OR5T2: variants seen among roughly 807,000 people sequenced by gnomAD.
OR5T2 encodes the protein olfactory receptor 5T2.
OR5T2 carries 12 observed loss-of-function variants against 13.7 expected under a neutral mutation model. That is an observed-to-expected ratio of 0.88 (90% CI 0.56 to 1.42). The LOEUF (loss-of-function observed/expected upper bound fraction) is 1.42. Among genes scored for constraint, OR5T2 ranks in the 40% most tolerant of loss-of-function variants. OR5T2 has a pLI of 0.00. For missense variants in OR5T2, 475 were observed against 372.0 expected, an observed-to-expected ratio of 1.28 and a Z score of -2.28; for synonymous variants, 146 against 139.5, an observed-to-expected ratio of 1.05 and a Z score of -0.33.
chr11:56,233,024 C>T lies in OR5T2; in HGVS notation c.39G>A (p.Lys13=), dbSNP rs1320020717. 2 of 1,606,836 alleles carry T rather than the reference C, an allele frequency of 1.2e-6. No homozygotes were observed. ...GCAGTTCAAGATTGTCTGTGAAGCC[C>T]TTCAGTACAAATAAGGTAACTTCAG... is the stretch of plus-strand genomic sequence containing the variant. ...NVTEVTLFVL[K]GFTDNLELQT... Residue 13 remains lysine, a synonymous_variant, in exon 2 of 2, where the codon AAG becomes AAA. Transcript: ENST00000641661.
At position 56,232,535 on chromosome 11, in the gene OR5T2, A is replaced by G. The variant is rs1853301825; in HGVS notation, c.528T>C (p.Phe176=). The G allele has an allele frequency of 6.2e-7, 1 of 1,612,986 alleles. No individual in the cohort carries two copies. The highest frequency in any genetic ancestry group is 8.5e-7 in the Non-Finnish European group (1 of 1,179,484). ...FCGANEIRRV[F]CDIPPLLAIS... is the part of the protein sequence containing the mutation. The stretch of plus-strand genomic sequence containing the variant: ...TAGCAAGGAGAGGAGGGATATCACA[A>G]AAGACACGCCTAATTTCATTGGCTC... Residue 176 remains phenylalanine (F), a synonymous_variant, in exon 2 of 2, where the codon TTT becomes TTC. Transcript: ENST00000641661.
chr11:56,232,885 A>T lies in OR5T2; in HGVS notation c.178T>A (p.Phe60Ile). Reference protein sequence around the residue: ...DSQLHKPMYYFLSMLSSVDAC... With the variant: ...DSQLHKPMYYILSMLSSVDAC... ...TCCACAGAAGACAACATACTCAGAAAATAGTACATGGGTTTGTGGAGCTGG... is the reference window on the plus strand; with the variant it reads ...TCCACAGAAGACAACATACTCAGAATATAGTACATGGGTTTGTGGAGCTGG... Residue 60 changes from phenylalanine (F) to isoleucine (I), a missense_variant, in exon 2 of 2, where the codon TTT (phenylalanine) becomes ATT (isoleucine). Coordinates refer to ENST00000641661, the MANE Select transcript of OR5T2 (RefSeq NM_001004746.4). 1 of 1,612,234 alleles carries T rather than the reference A, an allele frequency of 6.2e-7. No homozygotes were observed. Among genetic ancestry groups the T allele is most frequent in the Middle Eastern group, 1.7e-4 (1 of 6,042 alleles).
intron 1 of OR5T2, among the ~76,000 whole-genome samples, chr11:56,233,478 C>A (rs943172023): frequency 2.6e-5 from 4 of 152,050 alleles, no homozygotes; most frequent in Admixed American, 2.6e-4. Flanking sequence ...CATTGGAATA[C>A]AATACCAGAA....
chr11:56,231,796 A>C lies in OR5T2; in HGVS notation c.*310T>G. 1 of 207,122 alleles carries C rather than the reference A, an allele frequency of 4.8e-6. No individual in the cohort carries two copies. Among genetic ancestry groups the C allele is most frequent in the Non-Finnish European group, 9.4e-6 (1 of 105,850 alleles). The allele number at this position is 207,122 out of a possible 1,614,324, so 12.8% of individuals were successfully genotyped here. A position where few individuals can be genotyped will look rare whatever the true frequency, so the allele number is the denominator to read the frequency against. ...ACTGAACCCTATCCTCCTAGGTTCT[A>C]TGGAAGCTTCAAGGCATCAGCATTC... On this transcript the variant is annotated 3_prime_UTR_variant, in exon 2 of 2. Coordinates refer to ENST00000641661, the MANE Select transcript of OR5T2 (RefSeq NM_001004746.4).
Position 56,232,118 on chromosome 11 carries a change from A to G in OR5T2, c.945T>C (p.His315=). 5 of 1,540,562 alleles carry G rather than the reference A, an allele frequency of 3.2e-6. No individual in the cohort carries two copies. Among genetic ancestry groups the G allele is most frequent in the Non-Finnish European group, 4.4e-6 (5 of 1,144,488 alleles). ...KNQVINKVYF[H]TKK ...CACCTTTTATAATTTATTTTTTAGT[A>G]TGAAAATATACTTTATTGATAACCT... The change falls in exon 2 of 2, where the codon CAT becomes CAC. Residue 315 remains histidine, a synonymous_variant. Transcript: ENST00000641661.
intron 1 of OR5T2, 93 bp from the exon 2 acceptor site, chr11:56,233,357 G>T: frequency 2.1e-6 from 1 of 477,058 alleles, no homozygotes; most frequent in East Asian, 3.2e-5. Context: ...ATTTACCACT[G>T]AATTGTATTA....
At chr11:56,233,412 G>A (rs1853324219) in intron 1 of OR5T2, 148 bp from the exon 2 acceptor site, 2 of 382,592 alleles carry the variant, frequency 5.2e-6, no homozygotes, top group South Asian at 1.4e-4. Flanking sequence ...AAAAATGAGT[G>A]GCTTAAACAA....
Position 56,232,116 on chromosome 11 carries a change from G to C in OR5T2, c.947C>G (p.Thr316Ser). Residue 316 changes from threonine (T) to serine (S), a missense_variant, in exon 2 of 2, where the codon ACT becomes AGT. Thr to Ser is a moderately conservative substitution (Grantham distance 58, BLOSUM62 1). Coordinates refer to ENST00000641661, the MANE Select transcript of OR5T2 (RefSeq NM_001004746.4). Reference sequence around the variant, plus strand: ...CTCACCTTTTATAATTTATTTTTTAGTATGAAAATATACTTTATTGATAAC... The same window carrying C: ...CTCACCTTTTATAATTTATTTTTTACTATGAAAATATACTTTATTGATAAC... ...NQVINKVYFH[T>S]KK 6.5e-7 allele frequency: 1 copy of C among 1,536,654 alleles called. No individual in the cohort carries two copies. The highest frequency in any genetic ancestry group is 8.8e-7 in the Non-Finnish European group (1 of 1,142,032).
Position 56,232,519 on chromosome 11 carries a change from G to C in OR5T2, c.544C>G (p.Leu182Val). ...IRRVFCDIPPLLAISYSDTHT... is the reference protein window; with the variant it reads ...IRRVFCDIPPVLAISYSDTHT... ...GTGTCAGAATAAGAAATAGCAAGGAGAGGAGGGATATCACAAAAGACACGC... is the reference window on the plus strand; with the variant it reads ...GTGTCAGAATAAGAAATAGCAAGGACAGGAGGGATATCACAAAAGACACGC... The change falls in exon 2 of 2, where the codon CTC becomes GTC. Residue 182 changes from leucine (L) to valine (V), a missense_variant. Leu to Val is a conservative substitution (Grantham distance 32). Coordinates refer to ENST00000641661, the MANE Select transcript of OR5T2 (RefSeq NM_001004746.4). 1 of 1,611,296 alleles carries C rather than the reference G, an allele frequency of 6.2e-7. No individual in the cohort carries two copies. Among genetic ancestry groups the C allele is most frequent in the South Asian group, 1.1e-5 (1 of 90,688 alleles).
chr11:56,233,598 T>A (rs1853327547), intron 1 of OR5T2, among the ~76,000 whole-genome samples: 1 of 152,104 alleles, frequency 6.6e-6, no homozygotes, highest in Non-Finnish European at 1.5e-5. Flanking sequence ...GAAGGAAAAT[T>A]GCATTAATAA....
intron 1 of OR5T2, among the ~76,000 whole-genome samples, chr11:56,233,729 C>T (rs898939525): frequency 6.6e-6 from 1 of 151,880 alleles, no homozygotes; most frequent in African/African-American, 2.4e-5. Context: ...TCAAATGTCT[C>T]TGAATTATTC....
At position 56,232,488 on chromosome 11, in the gene OR5T2, G is replaced by T. The variant is rs968303234; in HGVS notation, c.575C>A (p.Thr192Lys). The part of the protein sequence containing the change: ...LLAISYSDTH[T>K]NQLLLFYFVG... The stretch of plus-strand genomic sequence containing the variant: ...AAAGTAGAAGAGTAGAAGCTGGTTT[G>T]TGTGAGTGTCAGAATAAGAAATAGC... Residue 192 changes from threonine to lysine, a missense_variant, in exon 2 of 2, where the codon ACA (threonine) becomes AAA (lysine). Coordinates refer to ENST00000641661, the MANE Select transcript of OR5T2 (RefSeq NM_001004746.4). 19 of 1,606,994 alleles carry T rather than the reference G, an allele frequency of 1.2e-5. No homozygotes were observed. Among genetic ancestry groups the T allele is most frequent in the Non-Finnish European group, 1.5e-5 (18 of 1,176,362 alleles).
At position 56,233,052 on chromosome 11, in the gene OR5T2, A is replaced by T; in HGVS notation, c.11T>A (p.Val4Asp). MKNVTEVTLFVLKG... is the reference protein window; with the variant it reads MKNDTEVTLFVLKG... The stretch of plus-strand genomic sequence containing the variant: ...CAGTACAAATAAGGTAACTTCAGTG[A>T]CATTCTTCATGTTGAAATCTAGAAC... The change falls in exon 2 of 2, where the codon GTC becomes GAC. Residue 4 changes from valine to aspartate, a missense_variant. Transcript: ENST00000641661. 1 of 1,606,810 alleles carries T rather than the reference A, an allele frequency of 6.2e-7. No homozygotes were observed. The highest frequency in any genetic ancestry group is 8.5e-7 in the Non-Finnish European group (1 of 1,174,284).
At position 56,233,135 on chromosome 11, in the gene OR5T2, A is replaced by G. The variant is rs748150482; in HGVS notation, c.-73T>C. ...TATTATGACAAAAAGAATGAACAAC[A>G]CCATGACTCAAGGGGATGTTAACTG... On this transcript the variant is annotated 5_prime_UTR_variant, in exon 2 of 2. Transcript: ENST00000641661. 7 of 1,579,510 alleles carry G rather than the reference A, an allele frequency of 4.4e-6. No individual in the cohort carries two copies. The East Asian group carries it at 1.6e-4, about 36-fold the overall frequency.
chr11:56,231,670 T>A lies in OR5T2; in HGVS notation c.*436A>T, dbSNP rs80068217. The A allele has an allele frequency of 9.2e-3, 1,430 of 155,230 alleles. 22 individuals carry two copies. Among genetic ancestry groups the A allele is most frequent in the African/African-American group, 0.033 (1,366 of 41,642 alleles). The allele number at this position is 155,230 out of a possible 1,614,324, so 9.6% of individuals were successfully genotyped here. A position where few individuals can be genotyped will look rare whatever the true frequency, so the allele number is the denominator to read the frequency against. On this transcript the variant is annotated 3_prime_UTR_variant, in exon 2 of 2. Transcript: ENST00000641661. ...ATTGCAAAGGACACTGGTGAAGGGATGTGTAGGGCAAAGTATAAGGAAAGG... is the reference window on the plus strand; with the variant it reads ...ATTGCAAAGGACACTGGTGAAGGGAAGTGTAGGGCAAAGTATAAGGAAAGG...
In OR5T2 at chr11:56,231,409, T is replaced by C. The variant is rs984068567; in HGVS notation, c.*697A>G. 3.3e-5 allele frequency: 5 copies of C among 152,146 alleles called. No individual in the cohort carries two copies. Among genetic ancestry groups the C allele is most frequent in the African/African-American group, 9.7e-5 (4 of 41,430 alleles). 9.4% of individuals were successfully genotyped at this position (152,146 alleles called of 1,614,324 possible). On this transcript the variant is annotated 3_prime_UTR_variant, in exon 2 of 2. Transcript: ENST00000641661. ...CACCACGTGGTAATCACCAACTGGG[T>C]ATCCTCTAATTCAGTTGCAACACTA...
At position 56,233,239 on chromosome 11, in the gene OR5T2, G is replaced by A. The variant is rs747348617; in HGVS notation, c.-177C>T. The A allele has an allele frequency of 5.6e-6, 8 of 1,418,652 alleles. No individual in the cohort carries two copies. Among genetic ancestry groups the A allele is most frequent in the Non-Finnish European group, 7.5e-6 (8 of 1,073,708 alleles). The allele number at this position is 1,418,652 out of a possible 1,614,324, so 87.9% of individuals were successfully genotyped here. On this transcript the variant is annotated 5_prime_UTR_variant, in exon 2 of 2. An upstream open reading frame in the 5' UTR gains an earlier in-frame stop. Transcript: ENST00000641661. ...GTGAATCAGAAGACAGTGACAAACT[G>A]GTCAGCCATGTGTTCATGCCACTCA... is the stretch of plus-strand genomic sequence containing the variant.
In OR5T2 at chr11:56,232,688, G is replaced by T; in HGVS notation, c.375C>A (p.Tyr125Ter). The T allele has an allele frequency of 1.2e-6, 2 of 1,614,180 alleles. No individual in the cohort carries two copies. The highest frequency in any genetic ancestry group is 1.7e-6 in the Non-Finnish European group (2 of 1,180,024). The change falls in exon 2 of 2, where the codon TAC (tyrosine) becomes TAA (stop). Residue 125 changes from tyrosine to a stop codon, truncating the protein, a stop_gained. Coordinates refer to ENST00000641661, the MANE Select transcript of OR5T2 (RefSeq NM_001004746.4). LOFTEE classifies it high-confidence loss of function. ...TGCTCACTGAATACAGGAGAGGGTTGTAGATGGCTACATAGCGATCATAAG... is the reference window on the plus strand; with the variant it reads ...TGCTCACTGAATACAGGAGAGGGTTTTAGATGGCTACATAGCGATCATAAG... ...AMAYDRYVAI[Y>*]NPLLYSVSMS...
At chr11:56,233,942 A>G (rs1466112888) in intron 1 of OR5T2, among the ~76,000 whole-genome samples, 1 of 151,980 alleles carries the variant, frequency 6.6e-6, no homozygotes, top group African/African-American at 2.4e-5. Context: ...TTAAGTTAAT[A>G]TTAGCACATA....
Sources: gnomAD v4.1 joint callset for allele counts (sites outside exome capture counted in the v4.1 genomes callset) on GRCh38, gnomAD v4.1.1 for gene constraint, MANE v1.5 for transcripts, NCBI Gene and HGNC (gene_info 2026-07-23, HGNC 2026-07-21) for gene names.